Variants in DMD observed in about 807,000 individuals in gnomAD.
The protein encoded by DMD is dystrophin, also known as mutant dystrophin.
Under a neutral mutation model 330.1 loss-of-function variants are expected in DMD, and 63 were observed. That is an observed-to-expected ratio of 0.19 (90% CI 0.16 to 0.24). The LOEUF is 0.24. Among genes scored for constraint, DMD ranks in the 10% least tolerant of loss-of-function variants. The pLI, the probability that DMD is intolerant of heterozygous loss-of-function variation, is 1.00. For missense variants in DMD, 3,344 were observed against 2,684.1 expected (o/e 1.25, Z -5.43); for synonymous variants, 1,223 against 959.8 (o/e 1.27, Z -5.07).
intron 2 of DMD, among the ~76,000 whole-genome samples, chrX:33,001,978 G>A (rs1381814712): frequency 9.0e-6 from 1 of 111,253 alleles, no homozygotes; most frequent in Non-Finnish European, 1.9e-5. Flanking sequence ...ATAGAAAATT[G>A]TGAAAGAACC....
At chrX:31,594,119 G>A (rs1320643192) in intron 55 of DMD, among the ~76,000 whole-genome samples, 3 of 110,934 alleles carry the variant, frequency 2.7e-5, no homozygotes, top group African/African-American at 9.8e-5. Context: ...ATAATTCCTT[G>A]TGGAGGGCTA....
intron 21 of DMD, among the ~76,000 whole-genome samples, chrX:32,480,020 A>C (rs1603634486): frequency 9.0e-6 from 1 of 111,367 alleles, no homozygotes; most frequent in South Asian, 3.7e-4. Flanking sequence ...TCTGGTAAGG[A>C]GTTAATATCC....
At chrX:33,216,573 C>G (rs1466979341) in intron 1 of DMD, among the ~76,000 whole-genome samples, 1 of 110,912 alleles carries the variant, frequency 9.0e-6, no homozygotes, top group Non-Finnish European at 1.9e-5. Context: ...GTAACAAACT[C>G]CTGAACATGT....
intron 28 of DMD, among the ~76,000 whole-genome samples, chrX:32,440,108 A>C (rs2098276046): frequency 9.0e-6 from 1 of 111,539 alleles, no homozygotes; most frequent in Admixed American, 9.6e-5. Flanking sequence ...TCATAGGCTA[A>C]CAGCATCATC....
intron 2 of DMD, among the ~76,000 whole-genome samples, chrX:32,919,020 C>G (rs1480000734): frequency 4.5e-5 from 5 of 111,937 alleles, no homozygotes; most frequent in Non-Finnish European, 9.4e-5. Context: ...AAACAGCATT[C>G]CAGGTCTAAG....
At chrX:32,058,828 C>A (rs2096201577) in intron 44 of DMD, among the ~76,000 whole-genome samples, 1 of 111,131 alleles carries the variant, frequency 9.0e-6, no homozygotes, top group Non-Finnish European at 1.9e-5. Flanking sequence ...TTACAGTAGC[C>A]AAGAGGTGTG....
At chrX:32,954,806 T>C (rs1191539381) in intron 2 of DMD, among the ~76,000 whole-genome samples, 1 of 111,573 alleles carries the variant, frequency 9.0e-6, no homozygotes, top group Non-Finnish European at 1.9e-5. Flanking sequence ...GATTTTCTGT[T>C]ACTGTATTAG....
intron 44 of DMD, among the ~76,000 whole-genome samples, chrX:32,039,886 G>A (rs2095985476): frequency 9.0e-6 from 1 of 110,882 alleles, no homozygotes; most frequent in South Asian, 3.8e-4. Context: ...ACATTTAAGT[G>A]ACATCATGTG....
At chrX:32,919,650 T>C (rs2088195242) in intron 2 of DMD, among the ~76,000 whole-genome samples, 1 of 112,266 alleles carries the variant, frequency 8.9e-6, no homozygotes, top group Non-Finnish European at 1.9e-5. Flanking sequence ...GTTCTGTAGA[T>C]TATCTACATT....
chrX:33,260,903 A>T (rs1360687722), intron 1 of DMD, among the ~76,000 whole-genome samples: 2 of 111,625 alleles, frequency 1.8e-5, no homozygotes, highest in Non-Finnish European at 1.9e-5. Context: ...TTTTCCAGCT[A>T]TCATGCTAGT....
chrX:32,849,581 A>G, intron 3 of DMD, 147 bp downstream of exon 3: 1 of 450,580 alleles, frequency 2.2e-6, no homozygotes, highest in African/African-American at 2.4e-5. Flanking sequence ...AATGAAAATC[A>G]TACGAGGTTG....
At chrX:32,369,588 C>T (rs1339380278) in intron 34 of DMD, among the ~76,000 whole-genome samples, 2 of 110,992 alleles carry the variant, frequency 1.8e-5, no homozygotes, top group African/African-American at 3.3e-5. Flanking sequence ...CCTTTACAAA[C>T]ATTTCCCTTC....
At chrX:32,589,687 C>A (rs2054678385) in intron 13 of DMD, among the ~76,000 whole-genome samples, 1 of 111,257 alleles carries the variant, frequency 9.0e-6, no homozygotes, top group Admixed American at 9.6e-5. Context: ...TAAAAAGCAG[C>A]AACATTTCGA....
At chrX:32,981,534 A>T (rs1040144983) in intron 2 of DMD, among the ~76,000 whole-genome samples, 35 of 111,989 alleles carry the variant, frequency 3.1e-4, no homozygotes, top group African/African-American at 1.1e-3. Flanking sequence ...ATTTATATTG[A>T]CAACAACCTT....
chrX:32,031,869 C>T (rs943942180), intron 44 of DMD, among the ~76,000 whole-genome samples: 1 of 111,929 alleles, frequency 8.9e-6, no homozygotes, highest in African/African-American at 3.2e-5. Context: ...TTAAAATTTG[C>T]TTTTCAGCTA....
intron 51 of DMD, among the ~76,000 whole-genome samples, chrX:31,762,832 A>T (rs1188889435): frequency 8.9e-6 from 1 of 112,418 alleles, no homozygotes; most frequent in Non-Finnish European, 1.9e-5. Context: ...AAATTCTTAG[A>T]GTGTCTAAAA....
chrX:31,252,262 C>T (rs1274911039), intron 63 of DMD, among the ~76,000 whole-genome samples: 1 of 112,075 alleles, frequency 8.9e-6, no homozygotes, highest in African/African-American at 3.2e-5. Flanking sequence ...TTGAGTAAAT[C>T]TCCTGTGCTA....
At chrX:31,902,394 G>A (rs1326477176) in intron 47 of DMD, among the ~76,000 whole-genome samples, 2 of 111,702 alleles carry the variant, frequency 1.8e-5, no homozygotes, top group Non-Finnish European at 3.8e-5. Flanking sequence ...TAACCTCGCT[G>A]AACCTGGATT....
chrX:32,384,475 T>C (rs1183752029), intron 33 of DMD, among the ~76,000 whole-genome samples: 1 of 111,165 alleles, frequency 9.0e-6, no homozygotes, highest in East Asian at 2.8e-4. Flanking sequence ...GTTTCTTATT[T>C]TGAAACAAAG....
Sources: gnomAD v4.1 joint callset for allele counts (sites outside exome capture counted in the v4.1 genomes callset) on GRCh38, gnomAD v4.1.1 for gene constraint, MANE v1.5 for transcripts, NCBI Gene and HGNC (gene_info 2026-07-23, HGNC 2026-07-21) for gene names.